PIGN: variants seen among roughly 807,000 people sequenced by gnomAD.
PIGN encodes the protein phosphatidylinositol glycan anchor biosynthesis class N.
Under a neutral mutation model 125.4 loss-of-function variants are expected in PIGN, and 117 were observed. The ratio of observed to expected loss-of-function variants is 0.93; its 90% confidence interval spans 0.80 to 1.09. The LOEUF (loss-of-function observed/expected upper bound fraction) is 1.09, where lower values mean the gene tolerates loss of function less well. Ranked by LOEUF, PIGN falls within the 50% of genes least tolerant of loss-of-function variation. The pLI is 0.00. For synonymous variants in PIGN, 392 were observed against 377.8 expected, an observed-to-expected ratio of 1.04 and a Z score of -0.44; for missense variants, 1,075 against 1,094.9, an observed-to-expected ratio of 0.98 and a Z score of 0.26.
intron 1 of PIGN, among the ~76,000 whole-genome samples, chr18:62,175,040 TATAA>T (rs1441832307): frequency 2.1e-5 from 3 of 144,302 alleles, no homozygotes; most frequent in Non-Finnish European, 3.0e-5. Flanking sequence ...AGATATATAT[TATAA>T]ATATATATTT....
chr18:62,077,019 G>A (rs1241563961), intron 28 of PIGN, among the ~76,000 whole-genome samples: 6 of 152,118 alleles, frequency 3.9e-5, no homozygotes, highest in Non-Finnish European at 8.8e-5. Context: ...GTGAATCAAA[G>A]CACAACAAAT....
rs990214281 is a variant in PIGN at position 62,071,888 on chromosome 18, A to G, written c.2672+785T>C. ...CATATATATATATATATATATATAT[A>G]TATATATATATATATATATATAAAT... On this transcript the variant is annotated intron_variant, in intron 30 of 30. Coordinates refer to ENST00000640252, the MANE Select transcript of PIGN (RefSeq NM_176787.5). Among the ~76,000 whole-genome samples the G allele has an allele frequency of 2.2e-4, 29 of 128,890 alleles. 1 individual carries two copies. The highest frequency in any genetic ancestry group is 8.5e-4 in the African/African-American group (29 of 33,964). 84.6% of individuals were successfully genotyped at this position (128,890 alleles called of 152,430 possible). A position where few individuals can be genotyped will look rare whatever the true frequency, so the allele number is the denominator to read the frequency against.
rs747737134 is a variant in PIGN at position 62,157,696 on chromosome 18, C to G, written c.334G>C (p.Val112Leu). Residue 112 changes from valine to leucine, a missense_variant, in exon 5 of 31, where the codon GTT becomes CTT. By Grantham distance (32) the Val-to-Leu change is conservative (BLOSUM62 1). Coordinates refer to ENST00000640252, the MANE Select transcript of PIGN (RefSeq NM_176787.5). ...TCCAAATAGACAATACCTTTGGCAA[C>G]TGCACTGACATCTTCATAAAACCCA... ...IAGFYEDVSAVAKGWKENPVE... is the reference protein window; with the variant it reads ...IAGFYEDVSALAKGWKENPVE... 6.2e-7 allele frequency: 1 copy of G among 1,610,416 alleles called. No homozygotes were observed. Among genetic ancestry groups the G allele is most frequent in the Non-Finnish European group, 8.5e-7 (1 of 1,178,234 alleles).
At chr18:62,165,962 T>A (rs373008536) in intron 1 of PIGN, among the ~76,000 whole-genome samples, 1 of 152,102 alleles carries the variant, frequency 6.6e-6, no homozygotes, top group African/African-American at 2.4e-5. Flanking sequence ...ATACTAACTT[T>A]GAAGAAAAGA....
At chr18:62,049,390 C>T (rs1359053189) in intron 30 of PIGN, among the ~76,000 whole-genome samples, 1 of 149,434 alleles carries the variant, frequency 6.7e-6, no homozygotes. Context: ...TTAATGATTG[C>T]CATTCTAACT....
chr18:62,110,727 G>A (rs1433014433), intron 16 of PIGN, among the ~76,000 whole-genome samples: 1 of 151,948 alleles, frequency 6.6e-6, no homozygotes, highest in Non-Finnish European at 1.5e-5. Flanking sequence ...TTTAGGACTT[G>A]CCTAACTAGG....
chr18:62,035,611 T>G (rs567180656), intron 23 of PIGN, among the ~76,000 whole-genome samples: 1 of 152,242 alleles, frequency 6.6e-6, no homozygotes, highest in South Asian at 2.1e-4. Flanking sequence ...TGTGCCATGT[T>G]GGTGTGCTGC....
Position 62,106,819 on chromosome 18 carries a change from T to C in PIGN, c.1737A>G (p.Pro579=). ...TAGLTAFAAW[P]FLTRLWTRAK... ...CTCGAGTCCACAGCCGAGTGAGAAA[T>C]GGCCAAGCTGCAAAGGCAGTAAGTC... is the stretch of plus-strand genomic sequence containing the variant. Residue 579 remains proline (P), a synonymous_variant, in exon 19 of 31, where the codon CCA becomes CCG. Coordinates refer to ENST00000640252, the MANE Select transcript of PIGN (RefSeq NM_176787.5). The C allele has an allele frequency of 1.9e-6, 3 of 1,608,438 alleles. No individual in the cohort carries two copies. The highest frequency in any genetic ancestry group is 2.5e-6 in the Non-Finnish European group (3 of 1,177,364).
Position 62,045,840 on chromosome 18 carries a change from T to C in PIGN, c.*16A>G, listed in dbSNP as rs2030631561. 2 of 1,612,660 alleles carry C rather than the reference T, an allele frequency of 1.2e-6. No homozygotes were observed. The highest frequency in any genetic ancestry group is 1.3e-5 in the African/African-American group (1 of 74,916). On this transcript the variant is annotated 3_prime_UTR_variant, in exon 31 of 31. Coordinates refer to ENST00000640252, the MANE Select transcript of PIGN (RefSeq NM_176787.5). The stretch of plus-strand genomic sequence containing the variant: ...GGAGAATCAGGATCCAGATGCTGAA[T>C]GGTGCTTCAGCAACCTCACATGAAG...
chr18:62,180,854 A>C (rs1233149664), intron 1 of PIGN, among the ~76,000 whole-genome samples: 1 of 152,170 alleles, frequency 6.6e-6, no homozygotes, highest in Non-Finnish European at 1.5e-5. Flanking sequence ...AAATTTGTCA[A>C]ACATTTATCC....
chr18:62,101,232 C>T (rs2034426462), intron 21 of PIGN, 49 bp from the exon 22 acceptor site: 1 of 999,112 alleles, frequency 1.0e-6, no homozygotes, highest in Non-Finnish European at 1.6e-6. Flanking sequence ...TAGTGAAAGA[C>T]TCTAACTAGC....
rs1375996992 is a variant in PIGN, at chr18:62,043,024, C to CT, written c.*2831dup. 2 of 151,850 alleles carry CT rather than the reference C, an allele frequency of 1.3e-5. No homozygotes were observed. The highest frequency in any genetic ancestry group is 1.3e-4 in the Admixed American group (2 of 15,238). 9.4% of individuals were successfully genotyped at this position (151,850 alleles called of 1,614,324 possible). ...GCACACAGCATAACAATCATTAATG[C>CT]TTTGAAGCATTTTAAAAACAGTAAG... On this transcript the variant is annotated 3_prime_UTR_variant, in exon 31 of 31. Transcript: ENST00000640252.
rs2032963982 is a variant in PIGN, at chr18:62,072,834, T to C, written c.2620-109A>G. The C allele has an allele frequency of 3.7e-5, 26 of 700,074 alleles. No individual in the cohort carries two copies. The South Asian group carries it at 6.1e-4, about 17-fold the overall frequency. The allele number at this position is 700,074 out of a possible 1,614,324, so 43.4% of individuals were successfully genotyped here. A position where few individuals can be genotyped will look rare whatever the true frequency, so the allele number is the denominator to read the frequency against. On this transcript the variant is annotated intron_variant, in intron 29 of 30. Transcript: ENST00000640252. ...TCAGATTTCTGACTCTAAGAATCAC[T>C]ATCTGACTGTAATCAACAAGAATAT...
chr18:62,063,045 G>GTAGT (rs540928289), intron 30 of PIGN, among the ~76,000 whole-genome samples: 56 of 151,434 alleles, frequency 3.7e-4, no homozygotes, highest in Non-Finnish European at 6.8e-4. Flanking sequence ...GCTTGCACTA[G>GTAGT]CTCTTTTAAA....
chr18:62,071,710 G>C (rs1250948424), intron 30 of PIGN, among the ~76,000 whole-genome samples: 1 of 151,440 alleles, frequency 6.6e-6, no homozygotes, highest in Non-Finnish European at 1.5e-5. Context: ...ATGCTGGTGT[G>C]AACAAACCTA....
At chr18:62,039,959 T>C (rs528909), downstream of PIGN, among the ~76,000 whole-genome samples, 13 of 26,642 alleles carry the variant, frequency 4.9e-4, no homozygotes, top group South Asian at 2.7e-3. Context: ...GTGCCGCACA[T>C]CATGTTTAGG....
In PIGN at chr18:62,102,831, C is replaced by G; in HGVS notation, c.1931G>C (p.Ser644Thr). 1.3e-6 allele frequency: 2 copies of G among 1,575,662 alleles called. No individual in the cohort carries two copies. The highest frequency in any genetic ancestry group is 2.3e-5 in the East Asian group (1 of 43,552). Residue 644 changes from serine to threonine, a missense_variant, in exon 21 of 31, where the codon AGC becomes ACC. This residue lies in a region of PIGN where 915 missense variants were observed against 908.7 expected (regional missense o/e 1.01). Coordinates refer to ENST00000640252, the MANE Select transcript of PIGN (RefSeq NM_176787.5). ...VVTSLMKRKD[S>T]FIKEELLVHL... is the part of the protein sequence containing the mutation. ...TACCAATAGCTCTTCCTTTATAAAGCTATCTTTTCTTTTCATGAGAGATGT... is the reference window on the plus strand; with the variant it reads ...TACCAATAGCTCTTCCTTTATAAAGGTATCTTTTCTTTTCATGAGAGATGT...
In PIGN at chr18:62,027,693, T is replaced by C. The variant is rs577354792; in HGVS notation, c.2143-9952A>G. Among the ~76,000 whole-genome samples, 310 of 152,296 alleles carry C rather than the reference T, an allele frequency of 2.0e-3. 1 individual carries two copies. The highest frequency in any genetic ancestry group is 7.2e-3 in the African/African-American group (300 of 41,570). On this transcript the variant is annotated intron_variant, in intron 23 of 24. Transcript: ENST00000639600. ...CAGGTTTGCCCTGAACAGGTCCTAG[T>C]TTGACATTTAGCTTAGCAATTTTGG...
At chr18:62,108,901 T>G (rs1429560991) in intron 17 of PIGN, among the ~76,000 whole-genome samples, 4 of 152,182 alleles carry the variant, frequency 2.6e-5, no homozygotes, top group Non-Finnish European at 4.4e-5. Context: ...TCCGAAATAT[T>G]TTTAATACAT....
Sources: allele counts gnomAD v4.1 joint callset (sites outside exome capture counted in the v4.1 genomes callset), GRCh38; gene constraint gnomAD v4.1.1; regional missense constraint gnomAD v4.1.1; transcripts MANE v1.5; gene names NCBI Gene and HGNC (gene_info 2026-07-23, HGNC 2026-07-21).